Variants in TSPAN5 observed in about 807,000 individuals in gnomAD.
TSPAN5 encodes the protein tetraspanin-5.
A neutral mutation model predicts 37.1 loss-of-function variants in TSPAN5; 10 were observed. That is an observed-to-expected ratio of 0.27 (90% CI 0.17 to 0.46). The LOEUF (loss-of-function observed/expected upper bound fraction) is 0.46. TSPAN5 is among the 20% of genes least tolerant of loss of function. The probability of loss-of-function intolerance (pLI) is 1.00; values close to 1 mark genes in which losing one functional copy is unlikely to be tolerated. For synonymous variants in TSPAN5, 110 were observed against 118.9 expected, an observed-to-expected ratio of 0.93 and a Z score of 0.48; for missense variants, 195 against 326.6, an observed-to-expected ratio of 0.60 and a Z score of 3.11.
At chr4:98,567,852 C>G (rs846007) in intron 1 of TSPAN5, among the ~76,000 whole-genome samples, 1 of 151,892 alleles carries the variant, frequency 6.6e-6, no homozygotes, top group African/African-American at 2.4e-5. Context: ...CCAATATAGC[C>G]GTGGGTACTG....
At chr4:98,607,468 T>C (rs994437651) in intron 1 of TSPAN5, among the ~76,000 whole-genome samples, 3 of 152,194 alleles carry the variant, frequency 2.0e-5, no homozygotes, top group African/African-American at 7.2e-5. Flanking sequence ...ATCCACTGTG[T>C]TTCTCTTTTT....
intron 1 of TSPAN5, among the ~76,000 whole-genome samples, chr4:98,536,446 C>G (rs2110135826): frequency 6.6e-6 from 1 of 152,332 alleles, no homozygotes; most frequent in South Asian, 2.1e-4. Context: ...TCGGCCCCTA[C>G]TGGGAGGTGT....
chr4:98,638,924 C>A (rs568916556), intron 1 of TSPAN5, among the ~76,000 whole-genome samples: 2 of 152,340 alleles, frequency 1.3e-5, no homozygotes, highest in South Asian at 2.1e-4. Flanking sequence ...GTGCATCCAG[C>A]TGAGGAACCT....
At chr4:98,634,386 A>G (rs563911871) in intron 1 of TSPAN5, among the ~76,000 whole-genome samples, 1 of 152,322 alleles carries the variant, frequency 6.6e-6, no homozygotes, top group East Asian at 1.9e-4. Flanking sequence ...TATAGCATAT[A>G]AAGTTTCCTT....
At chr4:98,595,685 C>T (rs1355458241) in intron 1 of TSPAN5, among the ~76,000 whole-genome samples, 5 of 127,858 alleles carry the variant, frequency 3.9e-5, no homozygotes, top group Non-Finnish European at 7.9e-5. Context: ...GCCTTCATTT[C>T]GTTATGTACC....
chr4:98,533,962 ACC>A, intron 1 of TSPAN5, among the ~76,000 whole-genome samples: 21 of 147,246 alleles, frequency 1.4e-4, no homozygotes, highest in Non-Finnish European at 2.5e-4. Context: ...AAAAAAAAAA[ACC>A]AGCTCCTGGA....
At chr4:98,507,826 G>T in intron 1 of TSPAN5, 98 bp from the exon 2 acceptor site, 1 of 839,920 alleles carries the variant, frequency 1.2e-6, no homozygotes, top group Non-Finnish European at 1.9e-6. Flanking sequence ...ACCTGGCTGG[G>T]AAATAGCTTT....
intron 7 of TSPAN5, among the ~76,000 whole-genome samples, chr4:98,474,147 T>C (rs1040830020): frequency 3.6e-4 from 55 of 152,228 alleles, no homozygotes; most frequent in African/African-American, 1.3e-3. Context: ...ATGCCTATGT[T>C]TTCTTCTGGA....
intron 1 of TSPAN5, among the ~76,000 whole-genome samples, chr4:98,552,558 G>A (rs988877537): frequency 1.3e-5 from 2 of 152,182 alleles, no homozygotes; most frequent in African/African-American, 4.8e-5. Flanking sequence ...TGGTAAGGAT[G>A]TGACCCAATC....
intron 1 of TSPAN5, among the ~76,000 whole-genome samples, chr4:98,570,978 C>A (rs1274350407): frequency 1.3e-5 from 2 of 151,430 alleles, no homozygotes; most frequent in African/African-American, 4.9e-5. Flanking sequence ...CGCCACTACG[C>A]TCCAATATGG....
At chr4:98,539,728 G>A (rs1209195269) in intron 1 of TSPAN5, among the ~76,000 whole-genome samples, 1 of 152,074 alleles carries the variant, frequency 6.6e-6, no homozygotes, top group Admixed American at 6.6e-5. Context: ...TCCCATCCCT[G>A]GTCCTCACAC....
chr4:98,614,588 A>G (rs1451632532), intron 1 of TSPAN5, among the ~76,000 whole-genome samples: 1 of 152,228 alleles, frequency 6.6e-6, no homozygotes, highest in Non-Finnish European at 1.5e-5. Flanking sequence ...TCCCAATAAC[A>G]TTAAAAATAA....
intron 1 of TSPAN5, among the ~76,000 whole-genome samples, chr4:98,575,173 A>G (rs894475601): frequency 3.9e-5 from 6 of 152,226 alleles, no homozygotes; most frequent in African/African-American, 1.4e-4. Flanking sequence ...CAAACTCAAC[A>G]TGAACAAAAT....
chr4:98,504,333 G>A (rs1439719395), intron 2 of TSPAN5, among the ~76,000 whole-genome samples: 1 of 152,158 alleles, frequency 6.6e-6, no homozygotes, highest in African/African-American at 2.4e-5. Context: ...CTACCAGGCT[G>A]GGGTTCACCT....
chr4:98,572,781 ATGT>A (rs1560542732), intron 1 of TSPAN5, among the ~76,000 whole-genome samples: 2 of 152,224 alleles, frequency 1.3e-5, no homozygotes, highest in Non-Finnish European at 2.9e-5. Context: ...AGATGAAAAG[ATGT>A]TGTAAATACA....
At chr4:98,636,338 T>C (rs1311791970) in intron 1 of TSPAN5, among the ~76,000 whole-genome samples, 2 of 152,228 alleles carry the variant, frequency 1.3e-5, no homozygotes, top group Non-Finnish European at 2.9e-5. Flanking sequence ...CTTTGCTCCA[T>C]GCAGGTAAGA....
chr4:98,521,378 A>T (rs1000788306), intron 1 of TSPAN5, among the ~76,000 whole-genome samples: 3 of 152,214 alleles, frequency 2.0e-5, no homozygotes, highest in Non-Finnish European at 4.4e-5. Context: ...CCCTAAGTTC[A>T]GGGTTCCTCT....
chr4:98,512,029 A>G (rs1358992779), intron 1 of TSPAN5, among the ~76,000 whole-genome samples: 1 of 152,154 alleles, frequency 6.6e-6, no homozygotes, highest in Admixed American at 6.6e-5. Context: ...CCTGGCCAAC[A>G]TGGTAAAACC....
chr4:98,495,531 C>CAAAAAAAAAA (rs10555303), intron 2 of TSPAN5, among the ~76,000 whole-genome samples: 1 of 130,932 alleles, frequency 7.6e-6, no homozygotes. Flanking sequence ...GCCTCCGTCT[C>CAAAAAAAAAA]AAAAAAAAAA....
Sources: gnomAD v4.1 joint callset for allele counts (sites outside exome capture counted in the v4.1 genomes callset) on GRCh38, gnomAD v4.1.1 for gene constraint, MANE v1.5 for transcripts, NCBI Gene and HGNC (gene_info 2026-07-23, HGNC 2026-07-21) for gene names.